Variants in EYS observed in about 807,000 individuals in gnomAD.
EYS encodes the protein protein eyes shut homolog.
Under a neutral mutation model 282.1 loss-of-function variants are expected in EYS, and 250 were observed. The ratio of observed to expected loss-of-function variants is 0.89; its 90% CI spans 0.80 to 0.98. The LOEUF is 0.98. Ranked by LOEUF, EYS falls within the 50% of genes least tolerant of loss-of-function variation. The pLI, the probability that EYS is intolerant of heterozygous loss-of-function variation, is 0.00. For missense variants in EYS, 4,016 were observed against 3,709.0 expected (o/e 1.08, Z -2.15); for synonymous variants, 1,355 against 1,282.9 (o/e 1.06, Z -1.20).
chr6:64,046,369 C>A (rs1444152430), intron 33 of EYS, among the ~76,000 whole-genome samples: 1 of 152,088 alleles, frequency 6.6e-6, no homozygotes, highest in Admixed American at 6.6e-5. Flanking sequence ...CTGTTTCTCT[C>A]TCTCTCTCTC....
chr6:65,547,564 T>C (rs1251828169), intron 2 of EYS, among the ~76,000 whole-genome samples: 1 of 152,148 alleles, frequency 6.6e-6, no homozygotes, highest in Non-Finnish European at 1.5e-5. Flanking sequence ...GTATATAGTG[T>C]CTGTATTGTA....
intron 26 of EYS, among the ~76,000 whole-genome samples, chr6:64,545,391 A>G (rs1214724856): frequency 6.6e-6 from 1 of 152,212 alleles, no homozygotes; most frequent in Non-Finnish European, 1.5e-5. Flanking sequence ...AGAGCTATCT[A>G]TGACAAACCC....
rs529927812 is a variant in EYS at position 65,653,113 on chromosome 6, TA to T, written c.-447-13222del. ...GGATACACAGATTCTGGATACTACC[TA>T]ATTCAGAGAGAAAGGGCGAGGGAGA... On this transcript the variant is annotated intron_variant, in intron 1 of 42. Coordinates refer to ENST00000503581, the MANE Select transcript of EYS (RefSeq NM_001142800.2). Among the ~76,000 whole-genome samples the T allele has an allele frequency of 1.8e-4, 27 of 152,018 alleles. No individual in the cohort carries two copies. In the East Asian group the frequency reaches 5.2e-3, roughly 29 times the overall value.
At position 64,077,631 on chromosome 6, in the gene EYS, G is replaced by T. The variant is rs530555385; in HGVS notation, c.6571+4225C>A. Among the ~76,000 whole-genome samples the T allele has an allele frequency of 5.6e-4, 85 of 152,006 alleles. 1 individual carries two copies. The highest frequency in any genetic ancestry group is 2.0e-3 in the African/African-American group (81 of 41,496). The stretch of plus-strand genomic sequence containing the variant: ...CATGTAATTTGCCTCCTGGGACTTG[G>T]TCAGATGTCTTCTCATAATTTTCAA... On this transcript the variant is annotated intron_variant, in intron 32 of 42. Transcript: ENST00000503581.
At chr6:65,472,610 T>C (rs1306185456) in intron 5 of EYS, among the ~76,000 whole-genome samples, 1 of 151,962 alleles carries the variant, frequency 6.6e-6, no homozygotes, top group Admixed American at 6.6e-5. Flanking sequence ...AACAGAAATA[T>C]AAAGTGTCTT....
At chr6:64,830,350 G>A (rs758199584) in intron 19 of EYS, among the ~76,000 whole-genome samples, 12 of 151,994 alleles carry the variant, frequency 7.9e-5, no homozygotes, top group Non-Finnish European at 1.8e-4. Flanking sequence ...GGTAAGTGAT[G>A]CTGATAATGG....
intron 35 of EYS, among the ~76,000 whole-genome samples, chr6:63,893,771 C>T (rs1371513298): frequency 6.6e-6 from 1 of 152,044 alleles, no homozygotes; most frequent in Non-Finnish European, 1.5e-5. Context: ...TCAGTCCAAG[C>T]TTTAAATTTA....
intron 28 of EYS, among the ~76,000 whole-genome samples, chr6:64,422,131 C>T (rs74963853): frequency 0.036 from 5,471 of 151,692 alleles, 231 homozygotes; most frequent in African/African-American, 0.1. Context: ...ATAGATAGAT[C>T]GATAGATTGA....
intron 14 of EYS, among the ~76,000 whole-genome samples, chr6:64,980,073 T>A (rs947957551): frequency 1.3e-5 from 2 of 151,602 alleles, no homozygotes; most frequent in African/African-American, 4.8e-5. Flanking sequence ...TATTGCTAAA[T>A]TTTTTTAAAA....
intron 12 of EYS, among the ~76,000 whole-genome samples, chr6:65,277,507 CAAGGAG>C (rs2150271616): frequency 6.6e-6 from 1 of 151,028 alleles, no homozygotes; most frequent in Non-Finnish European, 1.5e-5. Context: ...TGTGAGGATA[CAAGGAG>C]TCAGCAGTCT....
chr6:64,766,060 T>C (rs577593572), intron 22 of EYS, among the ~76,000 whole-genome samples: 4 of 151,844 alleles, frequency 2.6e-5, no homozygotes, highest in Admixed American at 1.3e-4. Flanking sequence ...TAAAATAATA[T>C]TTGTAAAAAA....
At chr6:64,445,662 C>T (rs1261890831) in intron 26 of EYS, among the ~76,000 whole-genome samples, 1 of 152,178 alleles carries the variant, frequency 6.6e-6, no homozygotes, top group Non-Finnish European at 1.5e-5. Context: ...CTCTGATATT[C>T]ACAGGCTGAG....
intron 26 of EYS, among the ~76,000 whole-genome samples, chr6:64,469,011 A>C (rs1776024079): frequency 6.6e-6 from 1 of 152,206 alleles, no homozygotes. Context: ...TCCTTTGGGT[A>C]TATACCCAAT....
intron 2 of EYS, among the ~76,000 whole-genome samples, chr6:65,591,008 A>G (rs1170405171): frequency 6.6e-6 from 1 of 151,956 alleles, no homozygotes; most frequent in Admixed American, 6.6e-5. Context: ...TGGGATTGCT[A>G]TATCATACTA....
At chr6:65,368,546 CAT>C (rs1483142784) in intron 8 of EYS, among the ~76,000 whole-genome samples, 1 of 151,648 alleles carries the variant, frequency 6.6e-6, no homozygotes, top group African/African-American at 2.4e-5. Context: ...AATAAAACCA[CAT>C]GAGAATGACT....
chr6:64,815,571 C>A (rs1310072385), intron 21 of EYS, among the ~76,000 whole-genome samples: 1 of 152,036 alleles, frequency 6.6e-6, no homozygotes, highest in African/African-American at 2.4e-5. Context: ...AGTTCTTGAT[C>A]TTTCCTGGTT....
intron 11 of EYS, chr6:65,332,238 C>CATCTACATT: frequency 1.7e-6 from 1 of 582,034 alleles, no homozygotes; most frequent in Non-Finnish European, 3.1e-6. Flanking sequence ...TTTTTTTCTC[C>CATCTACATT]ATCTACATTA....
chr6:64,943,089 A>C (rs114999422), intron 15 of EYS, among the ~76,000 whole-genome samples: 2,366 of 152,232 alleles, frequency 0.016, 59 homozygotes, highest in African/African-American at 0.054. Flanking sequence ...TCACTGCATA[A>C]ACAGAATTAA....
intron 36 of EYS, among the ~76,000 whole-genome samples, chr6:63,809,453 TA>T (rs769908167): frequency 2.9e-4 from 44 of 152,342 alleles, no homozygotes; most frequent in African/African-American, 8.2e-4. Context: ...TAAATGTATA[TA>T]TTTTTTTAAT....
Sources: allele counts gnomAD v4.1 joint callset (sites outside exome capture counted in the v4.1 genomes callset), GRCh38; gene constraint gnomAD v4.1.1; transcripts MANE v1.5; gene names NCBI Gene and HGNC (gene_info 2026-07-23, HGNC 2026-07-21).